KRT7: variants seen among roughly 807,000 people sequenced by gnomAD.
KRT7 encodes keratin 7.
In KRT7, 50 loss-of-function variants were observed where a neutral mutation model predicts 42.8. The observed-to-expected ratio is 1.17, with a 90% CI of 0.93 to 1.48. The LOEUF (loss-of-function observed/expected upper bound fraction) is 1.48, where lower values mean the gene tolerates loss of function less well. Among genes scored for constraint, KRT7 ranks in the 40% most tolerant of loss-of-function variants. The pLI, the probability that KRT7 is intolerant of heterozygous loss-of-function variation, is 0.00. For missense variants in KRT7, 588 were observed against 637.6 expected (o/e 0.92, Z 0.84); for synonymous variants, 268 against 266.3 (o/e 1.01, Z -0.06).
intron 1 of KRT7, among the ~76,000 whole-genome samples, chr12:52,234,676 GC>G (rs1345167340): frequency 3.3e-5 from 5 of 152,128 alleles, no homozygotes; most frequent in African/African-American, 7.2e-5. Context: ...CTCCTTAAGG[GC>G]CTTTGTGGGC....
At chr12:52,240,222 A>C (rs1393335872) in intron 4 of KRT7, among the ~76,000 whole-genome samples, 1 of 152,176 alleles carries the variant, frequency 6.6e-6, no homozygotes, top group Admixed American at 6.5e-5. Flanking sequence ...GTGAAAGTTT[A>C]GTTTATTTAT....
chr12:52,254,929 G>A (rs573699980), downstream of KRT7, among the ~76,000 whole-genome samples: 5 of 152,340 alleles, frequency 3.3e-5, no homozygotes, highest in South Asian at 8.3e-4. Context: ...AGGAATGACG[G>A]TCACTGCCCC....
At chr12:52,239,067 ACTATGGGGTCACGAT>A (rs1942048002) in intron 4 of KRT7, among the ~76,000 whole-genome samples, 1 of 152,192 alleles carries the variant, frequency 6.6e-6, no homozygotes, top group Admixed American at 6.5e-5. Context: ...CAGGCTGAGT[ACTATGGGGTCACGAT>A]CTTCCTGGAC....
chr12:52,237,957 G>A (rs1942034390), intron 3 of KRT7, among the ~76,000 whole-genome samples: 1 of 152,214 alleles, frequency 6.6e-6, no homozygotes, highest in Admixed American at 6.5e-5. Context: ...GCCAGCATGA[G>A]CTCTCTGTTC....
chr12:52,241,117 A>G (rs1942082245), intron 4 of KRT7, among the ~76,000 whole-genome samples: 1 of 152,152 alleles, frequency 6.6e-6, no homozygotes, highest in Non-Finnish European at 1.5e-5. Context: ...ATTCTGTAGC[A>G]TGGTGGAATA....
At chr12:52,240,188 T>C (rs79714737) in intron 4 of KRT7, among the ~76,000 whole-genome samples, 2,569 of 147,606 alleles carry the variant, frequency 0.017, 81 homozygotes, top group African/African-American at 0.064. Flanking sequence ...CACACACACA[T>C]ATATATAAAG....
chr12:52,252,627 G>T, downstream of KRT7: 1 of 985,220 alleles, frequency 1.0e-6, no homozygotes, highest in Non-Finnish European at 1.5e-6. Context: ...TCCCAGGCAT[G>T]TTTGCACAGT....
At position 52,240,294 on chromosome 12, in the gene KRT7, C is replaced by T. The variant is rs11170059; in HGVS notation, c.694-1178C>T. On this transcript the variant is annotated intron_variant, in intron 4 of 8. Coordinates refer to ENST00000331817, the MANE Select transcript of KRT7 (RefSeq NM_005556.4). ...TTTCATGGTGAAAGTAATACATACT[C>T]ATTGCAAAACAACCAAAAAATTAAG... is the stretch of plus-strand genomic sequence containing the variant. 1.6e-4 allele frequency among the ~76,000 whole-genome samples: 24 copies of T among 152,290 alleles called. No individual in the cohort carries two copies. In the East Asian group the frequency reaches 4.4e-3, roughly 28 times the overall value.
downstream of KRT7, among the ~76,000 whole-genome samples, chr12:52,252,991 T>C (rs1259154549): frequency 6.6e-6 from 1 of 152,188 alleles, no homozygotes; most frequent in East Asian, 1.9e-4. Context: ...TGCTATTTCC[T>C]CTGCCCCACT....
intron 5 of KRT7, chr12:52,241,955 T>C (rs1055615666): frequency 6.0e-6 from 1 of 167,730 alleles, no homozygotes; most frequent in African/African-American, 2.4e-5. Context: ...CATTTTGTTT[T>C]ATTTAATTTA....
intron 1 of KRT7, among the ~76,000 whole-genome samples, chr12:52,234,131 G>C (rs1185402058): frequency 6.7e-6 from 1 of 149,358 alleles, no homozygotes; most frequent in Non-Finnish European, 1.5e-5. Flanking sequence ...CGGGGGAGGG[G>C]GGGGGGCTCC....
chr12:52,237,447 C>A, intron 2 of KRT7, 62 bp from the exon 3 acceptor site: 2 of 1,219,884 alleles, frequency 1.6e-6, no homozygotes, highest in Admixed American at 1.8e-5. Context: ...CTGCATATGG[C>A]GGAGGGGGGA....
downstream of KRT7, chr12:52,252,602 G>C (rs2121131636): frequency 2.3e-6 from 3 of 1,299,552 alleles, no homozygotes; most frequent in East Asian, 7.6e-5. Context: ...TAGGCCAGGG[G>C]TTGCAAATTA....
At chr12:52,246,162 T>C (rs1942167999) in intron 7 of KRT7, 1 of 153,990 alleles carries the variant, frequency 6.5e-6, no homozygotes, top group Non-Finnish European at 1.4e-5. Context: ...CAGACTCACT[T>C]GCAGTCAGAG....
rs1324982960 is a variant in KRT7, at chr12:52,245,491, A to G, written c.1064A>G (p.Glu355Gly). The G allele has an allele frequency of 6.2e-7, 1 of 1,613,988 alleles. No individual in the cohort carries two copies. The highest frequency in any genetic ancestry group is 1.7e-5 in the Admixed American group (1 of 60,018). ...LALKDARAKQ[E>G]ELEAALQRGK... ...CTCAAGGATGCTCGTGCCAAGCAGG[A>G]GGAGCTGGAAGCCGCCCTGCAGCGG... The change falls in exon 7 of 9, where the codon GAG becomes GGG. Residue 355 changes from glutamate to glycine, a missense_variant. Transcript: ENST00000331817.
chr12:52,248,246 C>T, intron 8 of KRT7, 35 bp downstream of exon 8: 1 of 1,610,950 alleles, frequency 6.2e-7, no homozygotes, highest in Middle Eastern at 1.6e-4. Flanking sequence ...GGAAGCATCC[C>T]TTGTGCTGTT....
intron 4 of KRT7, 49 bp downstream of exon 4, chr12:52,238,824 C>G (rs766620827): frequency 1.6e-6 from 2 of 1,226,248 alleles, no homozygotes; most frequent in South Asian, 1.2e-5. Flanking sequence ...CCATTCTAAC[C>G]AGGGAGCCAT....
intron 1 of KRT7, 40 bp downstream of exon 1, chr12:52,233,660 C>T (rs781719451): frequency 1.3e-6 from 2 of 1,593,012 alleles, no homozygotes; most frequent in Admixed American, 3.3e-5. Context: ...GAGCCGCGCT[C>T]CAGACCACAC....
chr12:52,252,063 T>C (rs904582549), downstream of KRT7: 4 of 775,394 alleles, frequency 5.2e-6, no homozygotes, highest in East Asian at 8.0e-5. Flanking sequence ...CACAACCTTA[T>C]AGGGAAAGCA....
Sources: allele counts gnomAD v4.1 joint callset (sites outside exome capture counted in the v4.1 genomes callset), GRCh38; gene constraint gnomAD v4.1.1; transcripts MANE v1.5; gene names NCBI Gene and HGNC (gene_info 2026-07-23, HGNC 2026-07-21).